CFAP44: variants seen among roughly 807,000 people sequenced by gnomAD.
CFAP44 encodes cilia and flagella associated protein 44, also known as cilia- and flagella-associated protein 44.
In CFAP44, 134 loss-of-function variants were observed where a neutral mutation model predicts 216.2. That is an observed-to-expected ratio of 0.62 (90% confidence interval 0.54 to 0.72). The LOEUF is 0.72. Among genes scored for constraint, CFAP44 ranks in the 30% least tolerant of loss-of-function variants. The pLI is 0.00. For synonymous variants in CFAP44, 700 were observed against 727.6 expected (o/e 0.96, Z 0.61); for missense variants, 2,035 against 2,182.1 (o/e 0.93, Z 1.34).
chr3:113,306,407 G>A (rs1417067297), intron 29 of CFAP44, 76 bp from the exon 30 acceptor site: 12 of 1,487,118 alleles, frequency 8.1e-6, no homozygotes, highest in Non-Finnish European at 1.1e-5. Context: ...GAACTTTGGA[G>A]ATTCAGAATC....
chr3:113,404,516 C>T (rs1934225172), intron 8 of CFAP44, among the ~76,000 whole-genome samples: 1 of 152,120 alleles, frequency 6.6e-6, no homozygotes, highest in Non-Finnish European at 1.5e-5. Context: ...GTGCATGCCA[C>T]CAAACATTAG....
chr3:113,324,042 C>CAAAAAAAAAAAAAAAAAAAAAAA (rs200919084), intron 28 of CFAP44, among the ~76,000 whole-genome samples: 16 of 71,854 alleles, frequency 2.2e-4, no homozygotes, highest in African/African-American at 3.8e-4. Context: ...GACTCCGTCT[C>CAAAAAAAAAAAAAAAAAAAAAAA]AAAAAAAAAA....
intron 24 of CFAP44, among the ~76,000 whole-genome samples, chr3:113,337,391 C>T (rs1414766841): frequency 3.9e-5 from 6 of 152,052 alleles, no homozygotes; most frequent in Non-Finnish European, 1.5e-5. Flanking sequence ...CAAAGTAATA[C>T]ACTGCTTTAA....
intron 23 of CFAP44, among the ~76,000 whole-genome samples, chr3:113,342,227 G>A (rs879648203): frequency 6.6e-6 from 1 of 152,136 alleles, no homozygotes; most frequent in African/African-American, 2.4e-5. Context: ...CAGCTACTTG[G>A]GAGGCTGAGG....
chr3:113,349,475 C>T (rs954286166), intron 22 of CFAP44, among the ~76,000 whole-genome samples: 17 of 152,116 alleles, frequency 1.1e-4, no homozygotes, highest in African/African-American at 4.1e-4. Context: ...AGACAAACCT[C>T]GGTGGTTAGA....
intron 28 of CFAP44, among the ~76,000 whole-genome samples, chr3:113,310,518 A>C (rs1479301939): frequency 6.6e-6 from 1 of 152,244 alleles, no homozygotes; most frequent in Non-Finnish European, 1.5e-5. Context: ...AAATTTGAGT[A>C]AAACAGAAAA....
chr3:113,401,226 A>G lies in CFAP44; in HGVS notation c.1374+14T>C. On this transcript the variant is annotated intron_variant, in intron 11 of 34. Transcript: ENST00000393845. The stretch of plus-strand genomic sequence containing the variant: ...ATGAAAGTTAGGAGAAAATAAGAAT[A>G]ATAGGCAACTTACAATATTTGAAAA... The G allele has an allele frequency of 6.3e-7, 1 of 1,578,152 alleles. No homozygotes were observed. The highest frequency in any genetic ancestry group is 8.6e-7 in the Non-Finnish European group (1 of 1,167,058).
intron 4 of CFAP44, among the ~76,000 whole-genome samples, chr3:113,421,932 T>C (rs1934826104): frequency 6.6e-6 from 1 of 152,162 alleles, no homozygotes; most frequent in African/African-American, 2.4e-5. Flanking sequence ...CTAACCTCAG[T>C]ATCACACAAT....
chr3:113,353,713 C>T (rs1950467026), intron 22 of CFAP44, among the ~76,000 whole-genome samples: 1 of 152,040 alleles, frequency 6.6e-6, no homozygotes, highest in South Asian at 2.1e-4. Context: ...GAGTGAAGTA[C>T]CAGAGAGGAG....
chr3:113,440,734 TA>T (rs1364500002), intron 1 of CFAP44, among the ~76,000 whole-genome samples: 1 of 152,188 alleles, frequency 6.6e-6, no homozygotes, highest in African/African-American at 2.4e-5. Context: ...TGCTATCAAA[TA>T]AGAGCTCAGA....
intron 21 of CFAP44, chr3:113,361,028 T>C (rs188136859): frequency 1.7e-4 from 50 of 288,140 alleles, no homozygotes; most frequent in Admixed American, 3.9e-4. Context: ...GCACATTTAT[T>C]GTTGCACAGG....
chr3:113,352,076 G>A (rs9852204), intron 22 of CFAP44, among the ~76,000 whole-genome samples: 35,292 of 152,022 alleles, frequency 0.23, 4,336 homozygotes, highest in East Asian at 0.41. Context: ...GGATTGAGAG[G>A]TGAAGCCAGC....
At chr3:113,395,091 T>C (rs553577923) in intron 15 of CFAP44, among the ~76,000 whole-genome samples, 104 of 152,334 alleles carry the variant, frequency 6.8e-4, no homozygotes, top group African/African-American at 2.1e-3. Context: ...TAAAGTGGAT[T>C]ACCAACGTTA....
chr3:113,366,385 G>A, intron 18 of CFAP44, 76 bp from the exon 19 acceptor site: 2 of 1,509,414 alleles, frequency 1.3e-6, no homozygotes, highest in South Asian at 1.3e-5. Context: ...ATTGACAAGT[G>A]GCTAAATTAA....
Position 113,291,726 on chromosome 3 carries a change from C to A in CFAP44, c.5396G>T (p.Arg1799Leu). Residue 1799 changes from arginine (R) to leucine (L), a missense_variant, in exon 35 of 35, where the codon CGG becomes CTG. Arg to Leu is a moderately radical substitution (Grantham distance 102, BLOSUM62 -2). This residue lies in a region of CFAP44 where 1,883 missense variants were observed against 2,023.7 expected (regional missense o/e 0.93). Coordinates refer to ENST00000393845, the MANE Select transcript of CFAP44 (RefSeq NM_001164496.2). ...NQQGNAFQGP[R>L]EADVVAREEV... is the part of the protein sequence containing the mutation. ...CTCTCTTGCCACAACATCTGCTTCC[C>A]GAGGGCCCTGGAAGGCATTGCCCTG... The A allele has an allele frequency of 6.5e-7, 1 of 1,536,228 alleles. No individual in the cohort carries two copies.
chr3:113,287,735 G>A lies in CFAP44; in HGVS notation c.*3822C>T, dbSNP rs1949784590. On this transcript the variant is annotated 3_prime_UTR_variant, in exon 35 of 35. Transcript: ENST00000393845. ...TCTTACCAACTGGACTTGAGATGAA[G>A]TTTAGGTCATATTGAAGAAATAGAA... 2.0e-5 allele frequency: 3 copies of A among 152,222 alleles called. No individual in the cohort carries two copies. Among genetic ancestry groups the A allele is most frequent in the South Asian group, 4.1e-4 (2 of 4,824 alleles). 9.4% of individuals were successfully genotyped at this position (152,222 alleles called of 1,614,324 possible). A position where few individuals can be genotyped will look rare whatever the true frequency, so the allele number is the denominator to read the frequency against.
intron 24 of CFAP44, among the ~76,000 whole-genome samples, chr3:113,334,212 T>C (rs1196154557): frequency 3.9e-5 from 6 of 152,126 alleles, no homozygotes; most frequent in African/African-American, 1.4e-4. Context: ...AGCCTCCCAA[T>C]GTGCTGGGAT....
In CFAP44 at chr3:113,396,578, G is replaced by A; in HGVS notation, c.1719C>T (p.Pro573=). The change falls in exon 14 of 35, where the codon CCC becomes CCT. Residue 573 remains proline (P), a synonymous_variant. Transcript: ENST00000393845. ...ADIQLKQVFK[P]HTACVTALAY... ...CTAAAGCAGTGACACAAGCAGTATG[G>A]GGTTTGAAAACCTGTTTCAACTGAA... 1.9e-6 allele frequency: 3 copies of A among 1,614,044 alleles called. No individual in the cohort carries two copies. Among genetic ancestry groups the A allele is most frequent in the Non-Finnish European group, 2.5e-6 (3 of 1,180,006 alleles).
chr3:113,403,724 G>A, intron 9 of CFAP44, 128 bp downstream of exon 9: 2 of 969,316 alleles, frequency 2.1e-6, no homozygotes, highest in Non-Finnish European at 2.9e-6. Flanking sequence ...TATTTAAAGT[G>A]AGTTGGCCTT....
Sources: gnomAD v4.1 joint callset for allele counts (sites outside exome capture counted in the v4.1 genomes callset) on GRCh38, gnomAD v4.1.1 for gene constraint, gnomAD v4.1.1 regional missense constraint, MANE v1.5 for transcripts, NCBI Gene and HGNC (gene_info 2026-07-23, HGNC 2026-07-21) for gene names.